PDE4B: variants seen among roughly 807,000 people sequenced by gnomAD.
PDE4B encodes phosphodiesterase 4B.
A neutral mutation model predicts 82.2 loss-of-function variants in PDE4B; 20 were observed. That is an observed-to-expected ratio of 0.24 (90% CI 0.17 to 0.35). The LOEUF (loss-of-function observed/expected upper bound fraction) is 0.35, where lower values mean the gene tolerates loss of function less well. Among genes scored for constraint, PDE4B ranks in the 10% least tolerant of loss-of-function variants. PDE4B has a pLI of 1.00. For synonymous variants in PDE4B, 320 were observed against 318.9 expected, an observed-to-expected ratio of 1.00 and a Z score of -0.04; for missense variants, 655 against 907.2, an observed-to-expected ratio of 0.72 and a Z score of 3.57.
chr1:66,135,771 T>G (rs1646044205), intron 3 of PDE4B, among the ~76,000 whole-genome samples: 1 of 152,128 alleles, frequency 6.6e-6, no homozygotes, highest in South Asian at 2.1e-4. Flanking sequence ...ACCATAGAAG[T>G]CTCGTGGTCA....
Position 66,363,435 on chromosome 1 carries a change from T to A in PDE4B, c.1148T>A (p.Ile383Asn). The part of the protein sequence containing the change: ...QERDLLKTFR[I>N]SSDTFITYMM... ...AGAGACCTCCTAAAGACATTCAGAA[T>A]CTCATCTGACACATTTATAACCTAC... The change falls in exon 12 of 17, where the codon ATC becomes AAC. Residue 383 changes from isoleucine (I) to asparagine (N), a missense_variant. By Grantham distance (149) the Ile-to-Asn change is moderately radical. This residue lies in a region of PDE4B where 283 missense variants were observed against 516.4 expected (regional missense o/e 0.55). Transcript: ENST00000341517. 1 of 1,613,124 alleles carries A rather than the reference T, an allele frequency of 6.2e-7. No homozygotes were observed. The highest frequency in any genetic ancestry group is 8.5e-7 in the Non-Finnish European group (1 of 1,179,256).
chr1:66,081,482 T>TA (rs1656719975), intron 3 of PDE4B, among the ~76,000 whole-genome samples: 1 of 152,264 alleles, frequency 6.6e-6, no homozygotes, highest in Middle Eastern at 3.4e-3. Context: ...AAGTAATGTT[T>TA]AAAAAATCTC....
intron 1 of PDE4B, among the ~76,000 whole-genome samples, chr1:65,863,771 T>C (rs754826909): frequency 6.6e-6 from 1 of 152,232 alleles, no homozygotes; most frequent in Non-Finnish European, 1.5e-5. Flanking sequence ...CGTTTCTTTC[T>C]CTTTTTTGAT....
At chr1:66,245,734 C>G (rs529809485) in intron 3 of PDE4B, among the ~76,000 whole-genome samples, 1 of 152,188 alleles carries the variant, frequency 6.6e-6, no homozygotes. Flanking sequence ...CTTGAAAGAC[C>G]AAACATATTG....
chr1:65,921,838 T>C (rs1647260090), intron 3 of PDE4B, among the ~76,000 whole-genome samples: 1 of 152,180 alleles, frequency 6.6e-6, no homozygotes, highest in East Asian at 1.9e-4. Flanking sequence ...TTTTTACAGT[T>C]ATCAAGGACA....
intron 3 of PDE4B, among the ~76,000 whole-genome samples, chr1:66,023,833 G>C (rs1048663409): frequency 6.6e-6 from 1 of 151,954 alleles, no homozygotes; most frequent in Non-Finnish European, 1.5e-5. Context: ...GATCTGTGTT[G>C]GGTAGGGTTA....
chr1:65,998,040 TTAACAAA>T (rs1285475552), intron 3 of PDE4B, among the ~76,000 whole-genome samples: 1 of 152,168 alleles, frequency 6.6e-6, no homozygotes, highest in Non-Finnish European at 1.5e-5. Context: ...GGAAATCCTG[TTAACAAA>T]TAATAACAAT....
intron 3 of PDE4B, among the ~76,000 whole-genome samples, chr1:66,232,012 C>T (rs140524824): frequency 1.1e-3 from 161 of 152,186 alleles, no homozygotes; most frequent in African/African-American, 3.7e-3. Flanking sequence ...CTGTCCAGCC[C>T]GATGAAGGGC....
intron 2 of PDE4B, among the ~76,000 whole-genome samples, chr1:65,914,409 A>G (rs1049054547): frequency 1.3e-5 from 2 of 151,690 alleles, no homozygotes; most frequent in East Asian, 1.9e-4. Context: ...TTTGTGTCAA[A>G]GAATCTAGTT....
intron 1 of PDE4B, among the ~76,000 whole-genome samples, chr1:65,812,888 G>T (rs1234673265): frequency 6.6e-6 from 1 of 152,150 alleles, no homozygotes; most frequent in Non-Finnish European, 1.5e-5. Flanking sequence ...CTATTTGCCT[G>T]TCAACTGCTT....
chr1:65,952,682 CA>C (rs1472532589), intron 3 of PDE4B, among the ~76,000 whole-genome samples: 2 of 151,492 alleles, frequency 1.3e-5, no homozygotes, highest in South Asian at 4.2e-4. Context: ...AACTTGGTCT[CA>C]AAAAAATAAA....
At chr1:65,902,261 T>C (rs1019926303) in intron 1 of PDE4B, among the ~76,000 whole-genome samples, 3 of 152,272 alleles carry the variant, frequency 2.0e-5, no homozygotes, top group African/African-American at 7.2e-5. Context: ...ATATTGATTA[T>C]GTGTTATTGA....
chr1:66,111,785 A>G (rs1645490994), intron 3 of PDE4B, among the ~76,000 whole-genome samples: 1 of 152,038 alleles, frequency 6.6e-6, no homozygotes, highest in Non-Finnish European at 1.5e-5. Flanking sequence ...CCTGATTTGT[A>G]GTTGATTAGG....
intron 1 of PDE4B, among the ~76,000 whole-genome samples, chr1:65,829,336 T>G: frequency 6.6e-6 from 1 of 152,124 alleles, no homozygotes; most frequent in East Asian, 1.9e-4. Context: ...TTGAAAGAGA[T>G]AGAAACAAAT....
intron 9 of PDE4B, 123 bp from the exon 10 acceptor site, chr1:66,361,492 G>C: frequency 1.4e-6 from 1 of 708,436 alleles, no homozygotes; most frequent in Non-Finnish European, 2.3e-6. Context: ...CAGTGAAATA[G>C]TGCTACAAGA....
intron 1 of PDE4B, among the ~76,000 whole-genome samples, chr1:65,858,318 A>G (rs572231260): frequency 3.9e-5 from 6 of 152,284 alleles, no homozygotes; most frequent in Middle Eastern, 6.8e-3. Flanking sequence ...GTATAGGCCA[A>G]CCCACAAAAG....
intron 1 of PDE4B, among the ~76,000 whole-genome samples, chr1:65,870,161 G>T (rs1397139764): frequency 1.3e-5 from 2 of 152,112 alleles, no homozygotes; most frequent in Non-Finnish European, 2.9e-5. Context: ...TCCCAAGAGG[G>T]TTAGTTCTTA....
chr1:66,311,289 C>T (rs1363315775), intron 7 of PDE4B, among the ~76,000 whole-genome samples: 1 of 152,198 alleles, frequency 6.6e-6, no homozygotes, highest in Non-Finnish European at 1.5e-5. Context: ...TTTGCTAATA[C>T]TGACATCATA....
chr1:65,804,964 G>A (rs1645737535), intron 1 of PDE4B, among the ~76,000 whole-genome samples: 1 of 125,144 alleles, frequency 8.0e-6, no homozygotes, highest in African/African-American at 2.9e-5. Flanking sequence ...TTTTTTTGGG[G>A]GGGTGGGTGG....
Sources: allele counts gnomAD v4.1 joint callset (sites outside exome capture counted in the v4.1 genomes callset), GRCh38; gene constraint gnomAD v4.1.1; regional missense constraint gnomAD v4.1.1; transcripts MANE v1.5; gene names NCBI Gene and HGNC (gene_info 2026-07-23, HGNC 2026-07-21).